Variants in ARHGAP15 observed in about 807,000 individuals in gnomAD.
ARHGAP15 encodes Rho GTPase activating protein 15.
ARHGAP15 carries 51 observed loss-of-function variants against 63.7 expected under a neutral mutation model. The observed-to-expected ratio is 0.80, with a 90% CI of 0.64 to 1.01. ARHGAP15 has a LOEUF of 1.01. Among genes scored for constraint, ARHGAP15 ranks in the 50% least tolerant of loss-of-function variants. The pLI, the probability that ARHGAP15 is intolerant of heterozygous loss-of-function variation, is 0.00. For missense variants in ARHGAP15, 560 were observed against 564.6 expected, an observed-to-expected ratio of 0.99 and a Z score of 0.08; for synonymous variants, 191 against 193.8, an observed-to-expected ratio of 0.99 and a Z score of 0.12.
chr2:143,277,695 G>A (rs1326610964), intron 6 of ARHGAP15, among the ~76,000 whole-genome samples: 4 of 152,068 alleles, frequency 2.6e-5, no homozygotes, highest in East Asian at 3.9e-4. Flanking sequence ...AGATTGATTA[G>A]TTTCTAAGCC....
chr2:143,567,118 G>T (rs1315643215), intron 11 of ARHGAP15, among the ~76,000 whole-genome samples: 1 of 151,940 alleles, frequency 6.6e-6, no homozygotes, highest in Non-Finnish European at 1.5e-5. Flanking sequence ...CTCGTGATCT[G>T]CCCCCCTCGG....
intron 9 of ARHGAP15, among the ~76,000 whole-genome samples, chr2:143,515,754 G>A (rs1037656127): frequency 7.9e-5 from 12 of 152,158 alleles, no homozygotes; most frequent in Non-Finnish European, 1.2e-4. Context: ...GAAAGAAGGT[G>A]GGAGAGGAAT....
At chr2:143,541,923 A>ATGTTT (rs1279428174) in intron 10 of ARHGAP15, among the ~76,000 whole-genome samples, 3 of 152,180 alleles carry the variant, frequency 2.0e-5, no homozygotes, top group African/African-American at 7.2e-5. Context: ...GGGACCTTTA[A>ATGTTT]GTCTGCAGAG....
intron 12 of ARHGAP15, among the ~76,000 whole-genome samples, chr2:143,679,930 A>G (rs1049925697): frequency 2.0e-5 from 3 of 151,258 alleles, no homozygotes; most frequent in Non-Finnish European, 2.9e-5. Context: ...CACATTGATG[A>G]ATTGAGTTTT....
At chr2:143,545,099 A>ATG (rs1398021742) in intron 10 of ARHGAP15, among the ~76,000 whole-genome samples, 1 of 152,184 alleles carries the variant, frequency 6.6e-6, no homozygotes, top group Non-Finnish European at 1.5e-5. Flanking sequence ...GACTTTGCTG[A>ATG]TGGTTAGTAT....
chr2:143,691,035 C>T (rs1008971346), intron 12 of ARHGAP15, among the ~76,000 whole-genome samples: 1 of 152,068 alleles, frequency 6.6e-6, no homozygotes, highest in Non-Finnish European at 1.5e-5. Flanking sequence ...GTTAGGACAG[C>T]GGACGGACGT....
At chr2:143,391,828 C>T (rs1009960880) in intron 6 of ARHGAP15, among the ~76,000 whole-genome samples, 2 of 152,122 alleles carry the variant, frequency 1.3e-5, no homozygotes, top group Non-Finnish European at 2.9e-5. Context: ...TAAGGGAAAT[C>T]ATGAGCAAAC....
intron 10 of ARHGAP15, among the ~76,000 whole-genome samples, chr2:143,520,708 G>A (rs1351583884): frequency 6.6e-6 from 1 of 152,146 alleles, no homozygotes; most frequent in African/African-American, 2.4e-5. Context: ...ATGGATCACT[G>A]AGAATATTAT....
intron 10 of ARHGAP15, among the ~76,000 whole-genome samples, chr2:143,525,069 A>C (rs891982901): frequency 3.3e-5 from 5 of 152,186 alleles, no homozygotes; most frequent in Non-Finnish European, 7.3e-5. Context: ...CCGAAACTGC[A>C]GATCATATTG....
At chr2:143,556,353 T>A (rs1400771530) in intron 10 of ARHGAP15, 55 bp from the exon 11 acceptor site, 26 of 1,350,020 alleles carry the variant, frequency 1.9e-5, no homozygotes, top group South Asian at 9.7e-5. Flanking sequence ...AGATTTTTTT[T>A]AAACCATCTC....
At chr2:143,588,564 C>T (rs151053108) in intron 11 of ARHGAP15, among the ~76,000 whole-genome samples, 2,298 of 152,150 alleles carry the variant, frequency 0.015, 32 homozygotes, top group African/African-American at 0.039. Flanking sequence ...CTCCCACTTA[C>T]GAGTAAGAAC....
chr2:143,230,347 G>A (rs1312093060), intron 5 of ARHGAP15, among the ~76,000 whole-genome samples: 3 of 152,090 alleles, frequency 2.0e-5, no homozygotes, highest in African/African-American at 7.2e-5. Flanking sequence ...ATAATTATCA[G>A]CTGTTAAATT....
chr2:143,155,293 A>G (rs1342872559), intron 1 of ARHGAP15, among the ~76,000 whole-genome samples, 184 bp from the exon 2 acceptor site: 1 of 151,948 alleles, frequency 6.6e-6, no homozygotes. Context: ...TGCTATCCAC[A>G]TGTAAAGGTC....
chr2:143,576,764 A>G (rs559365521), intron 11 of ARHGAP15, among the ~76,000 whole-genome samples: 6 of 152,240 alleles, frequency 3.9e-5, no homozygotes, highest in Admixed American at 3.9e-4. Flanking sequence ...TAACAATTTT[A>G]CCACCTCTTT....
intron 12 of ARHGAP15, among the ~76,000 whole-genome samples, chr2:143,673,993 A>C (rs185371561): frequency 1.3e-5 from 2 of 151,812 alleles, no homozygotes; most frequent in African/African-American, 4.8e-5. Flanking sequence ...AAAGACTATT[A>C]ATGTGAAATA....
chr2:143,657,155 G>A (rs1294890030), intron 12 of ARHGAP15, among the ~76,000 whole-genome samples: 1 of 152,146 alleles, frequency 6.6e-6, no homozygotes, highest in Non-Finnish European at 1.5e-5. Flanking sequence ...GACCATCCTG[G>A]CTAACACGGT....
At chr2:143,726,002 A>G (rs1422807357) in intron 13 of ARHGAP15, among the ~76,000 whole-genome samples, 2 of 152,230 alleles carry the variant, frequency 1.3e-5, no homozygotes, top group East Asian at 3.8e-4. Context: ...AAAAGATGGG[A>G]CAATTATTTC....
At chr2:143,308,888 T>A (rs1441747750) in intron 6 of ARHGAP15, among the ~76,000 whole-genome samples, 1 of 149,858 alleles carries the variant, frequency 6.7e-6, no homozygotes, top group East Asian at 2.0e-4. Flanking sequence ...GGGCTAGTAT[T>A]TGTGCTGCTA....
intron 8 of ARHGAP15, among the ~76,000 whole-genome samples, chr2:143,485,580 C>T (rs1011765681): frequency 6.6e-6 from 1 of 152,042 alleles, no homozygotes; most frequent in African/African-American, 2.4e-5. Flanking sequence ...CAGTTTAAGG[C>T]AATGATCATC....
Sources: gnomAD v4.1 joint callset for allele counts (sites outside exome capture counted in the v4.1 genomes callset) on GRCh38, gnomAD v4.1.1 for gene constraint, MANE v1.5 for transcripts, NCBI Gene and HGNC (gene_info 2026-07-23, HGNC 2026-07-21) for gene names.